Variants in HNF4A observed in about 807,000 individuals in gnomAD.
HNF4A encodes the protein hepatocyte nuclear factor 4 alpha, also known as hepatocyte nuclear factor 4-alpha.
HNF4A carries 15 observed loss-of-function variants against 52.4 expected under a neutral mutation model. The observed-to-expected ratio is 0.29, with a 90% confidence interval of 0.19 to 0.44. The LOEUF (loss-of-function observed/expected upper bound fraction) is 0.44. Ranked by LOEUF, HNF4A falls within the 20% of genes least tolerant of loss-of-function variation. The probability of loss-of-function intolerance (pLI) is 1.00; values close to 1 mark genes in which losing one functional copy is unlikely to be tolerated. For synonymous variants in HNF4A, 280 were observed against 264.4 expected (o/e 1.06, Z -0.57); for missense variants, 479 against 647.2 (o/e 0.74, Z 2.82).
intron 8 of HNF4A, 153 bp downstream of exon 8, chr20:44,424,407 G>A: frequency 7.6e-7 from 1 of 1,316,068 alleles, no homozygotes; most frequent in Non-Finnish European, 1.1e-6. Context: ...TTCCTCACCA[G>A]AAAAATGGGA....
chr20:44,367,125 C>T (rs900409033), intron 1 of HNF4A, among the ~76,000 whole-genome samples: 1 of 152,104 alleles, frequency 6.6e-6, no homozygotes, highest in African/African-American at 2.4e-5. Context: ...CACCTGAGGT[C>T]AGGAGTTCAA....
intron 1 of HNF4A, chr20:44,389,677 G>T (rs1439365649): frequency 6.6e-6 from 1 of 152,184 alleles, no homozygotes; most frequent in Non-Finnish European, 1.5e-5. Flanking sequence ...TTTATATCAA[G>T]TGGGTCCTGG....
intron 1 of HNF4A, among the ~76,000 whole-genome samples, chr20:44,360,816 G>A (rs770613670): frequency 1.3e-5 from 2 of 152,194 alleles, no homozygotes; most frequent in African/African-American, 2.4e-5. Context: ...TGGTGATGTG[G>A]CTCTGCCCCT....
chr20:44,401,905 C>T (rs939091256), intron 1 of HNF4A, among the ~76,000 whole-genome samples: 2 of 151,828 alleles, frequency 1.3e-5, no homozygotes, highest in African/African-American at 4.8e-5. Context: ...TGTTGTATCC[C>T]TGGAGATGGT....
At chr20:44,412,795 T>C (rs2063604772) in intron 3 of HNF4A, among the ~76,000 whole-genome samples, 1 of 152,052 alleles carries the variant, frequency 6.6e-6, no homozygotes. Context: ...CCAGGCTTGA[T>C]GCCAGTCCCT....
At chr20:44,396,000 C>G (rs987658417) in intron 1 of HNF4A, among the ~76,000 whole-genome samples, 10 of 152,298 alleles carry the variant, frequency 6.6e-5, no homozygotes, top group Admixed American at 6.5e-4. Context: ...CTTTACTTCT[C>G]AGGTCCTTGA....
At chr20:44,390,685 G>T (rs1568708593) in intron 1 of HNF4A, 1 of 701,980 alleles carries the variant, frequency 1.4e-6, no homozygotes, top group Admixed American at 2.0e-5. Flanking sequence ...ACCAGGTATG[G>T]TCCTGACTCC....
rs964899181 is a variant in HNF4A at position 44,407,346 on chromosome 20, G to A, written c.291-35G>A. The A allele has an allele frequency of 5.3e-6, 8 of 1,510,234 alleles. No individual in the cohort carries two copies. In the African/African-American group the frequency reaches 1.1e-4, roughly 21 times the overall value. 93.6% of individuals were successfully genotyped at this position (1,510,234 alleles called of 1,614,324 possible). On this transcript the variant is annotated intron_variant, in intron 2 of 9. Coordinates refer to ENST00000316099, the MANE Select transcript of HNF4A (RefSeq NM_000457.6). ...TTCTGTCCTAAGAGGAGGAAGTTGT[G>A]TCTTCTCCATCCAACCATCCAAAGC... is the stretch of plus-strand genomic sequence containing the variant.
chr20:44,410,458 A>G (rs1469849359), intron 3 of HNF4A, among the ~76,000 whole-genome samples: 1 of 151,824 alleles, frequency 6.6e-6, no homozygotes, highest in African/African-American at 2.4e-5. Context: ...AAATGAGGGT[A>G]TTCCTAGCTG....
chr20:44,384,109 C>A (rs969525954), intron 1 of HNF4A, among the ~76,000 whole-genome samples: 4 of 151,428 alleles, frequency 2.6e-5, no homozygotes, highest in African/African-American at 9.7e-5. Context: ...CCTCGGCCTC[C>A]CAAATTCCTG....
In HNF4A at chr20:44,381,904, C is replaced by G. The variant is rs1359520521; in HGVS notation, c.50-24154C>G. On this transcript the variant is annotated intron_variant, in intron 1 of 9. Coordinates refer to the HNF4A transcript ENST00000316673. Reference sequence around the variant, plus strand: ...GGGATTACAGGCCTGAGCCACCGCACCCGGCAGGAAAGTACTTTGAATTGA... The same window carrying G: ...GGGATTACAGGCCTGAGCCACCGCAGCCGGCAGGAAAGTACTTTGAATTGA... Among the ~76,000 whole-genome samples, 3 of 152,236 alleles carry G rather than the reference C, an allele frequency of 2.0e-5. No homozygotes were observed. The East Asian group carries it at 5.8e-4, about 29-fold the overall frequency.
intron 1 of HNF4A, among the ~76,000 whole-genome samples, chr20:44,404,781 G>T (rs62652610): frequency 0.34 from 19 of 56 alleles, 2 homozygotes; most frequent in East Asian, 0.5. Flanking sequence ...ATATGTGTGT[G>T]TGTGCGTGTG....
intron 1 of HNF4A, among the ~76,000 whole-genome samples, chr20:44,375,630 G>A (rs1450907518): frequency 6.6e-6 from 1 of 152,122 alleles, no homozygotes; most frequent in Non-Finnish European, 1.5e-5. Context: ...CTAGAATGGT[G>A]GACTGTGGGT....
At chr20:44,374,628 T>A (rs1156249324) in intron 1 of HNF4A, among the ~76,000 whole-genome samples, 1 of 152,162 alleles carries the variant, frequency 6.6e-6, no homozygotes, top group East Asian at 1.9e-4. Flanking sequence ...CATGCCTGGC[T>A]AATTTTTGTA....
intron 1 of HNF4A, among the ~76,000 whole-genome samples, chr20:44,368,674 T>G (rs1395096551): frequency 6.6e-6 from 1 of 152,210 alleles, no homozygotes; most frequent in African/African-American, 2.4e-5. Context: ...TGTTAGTATG[T>G]ATTGTTAATG....
At chr20:44,419,604 C>A (rs1338223325) in intron 6 of HNF4A, 117 bp from the exon 7 acceptor site, 4 of 906,632 alleles carry the variant, frequency 4.4e-6, no homozygotes, top group Non-Finnish European at 5.4e-6. Flanking sequence ...GAGTCACCAT[C>A]CCTGCAGGTC....
At chr20:44,375,501 T>G (rs1165508940) in intron 1 of HNF4A, among the ~76,000 whole-genome samples, 1 of 151,994 alleles carries the variant, frequency 6.6e-6, no homozygotes, top group Admixed American at 6.6e-5. Flanking sequence ...TTTTGTTTTT[T>G]TTTTTTGAGA....
rs138858312 is a variant in HNF4A at position 44,380,402 on chromosome 20, C to T, written c.49+24549C>T. Among the ~76,000 whole-genome samples, 869 of 152,286 alleles carry T rather than the reference C, an allele frequency of 5.7e-3. 3 individuals are homozygous for T. The highest frequency in any genetic ancestry group is 9.1e-3 in the Non-Finnish European group (621 of 68,030). On this transcript the variant is annotated intron_variant, in intron 1 of 9. Transcript: ENST00000316673. ...CTCAAACTCCTTGACTCAAGTGGTC[C>T]TCCCACCTCGGCCTCCCAAGTAAGC... is the stretch of plus-strand genomic sequence containing the variant.
intron 3 of HNF4A, among the ~76,000 whole-genome samples, chr20:44,408,938 A>C (rs966198221): frequency 6.6e-6 from 1 of 151,602 alleles, no homozygotes; most frequent in African/African-American, 2.4e-5. Flanking sequence ...GGAACGTAGG[A>C]CCCAGCTTGC....
Sources: allele counts gnomAD v4.1 joint callset (sites outside exome capture counted in the v4.1 genomes callset), GRCh38; gene constraint gnomAD v4.1.1; transcripts MANE v1.5; gene names NCBI Gene and HGNC (gene_info 2026-07-23, HGNC 2026-07-21).